The following PTGES variants were observed in gnomAD, a reference collection of about 807,000 sequenced individuals.
PTGES encodes the protein MGST1-like 1.
Under a neutral mutation model 11.8 loss-of-function variants are expected in PTGES, and 3 were observed. That is an observed-to-expected ratio of 0.25 (90% CI 0.12 to 0.66). The LOEUF is 0.66. Ranked by LOEUF, PTGES falls within the 30% of genes least tolerant of loss-of-function variation. The pLI, the probability that PTGES is intolerant of heterozygous loss-of-function variation, is 0.82. For synonymous variants in PTGES, 94 were observed against 90.4 expected (o/e 1.04, Z -0.22); for missense variants, 180 against 213.0 (o/e 0.85, Z 0.96).
At chr9:129,742,531 T>C (rs1833007411) in intron 2 of PTGES, among the ~76,000 whole-genome samples, 1 of 152,026 alleles carries the variant, frequency 6.6e-6, no homozygotes, top group Non-Finnish European at 1.5e-5. Context: ...AGTTTTGTAA[T>C]GTTTATTTGA....
intron 1 of PTGES, among the ~76,000 whole-genome samples, chr9:129,751,991 C>T (rs745984404): frequency 1.3e-5 from 2 of 152,204 alleles, no homozygotes; most frequent in African/African-American, 2.4e-5. Flanking sequence ...CTGTAGCCTC[C>T]GGGCATCCTA....
chr9:129,751,281 C>T (rs1431832682), intron 1 of PTGES, among the ~76,000 whole-genome samples: 2 of 149,074 alleles, frequency 1.3e-5, no homozygotes, highest in Non-Finnish European at 3.0e-5. Flanking sequence ...TATGATCGCA[C>T]AATTGCACTC....
chr9:129,746,659 C>T (rs888780109), intron 2 of PTGES, among the ~76,000 whole-genome samples: 41 of 152,164 alleles, frequency 2.7e-4, no homozygotes, highest in African/African-American at 9.4e-4. Context: ...CCATTTCCGC[C>T]TGTGATGCAG....
intron 2 of PTGES, among the ~76,000 whole-genome samples, chr9:129,740,939 C>T (rs12551591): frequency 5.9e-5 from 9 of 152,172 alleles, no homozygotes; most frequent in Non-Finnish European, 8.8e-5. Flanking sequence ...CCAATAACAC[C>T]GTCTCCTCGG....
chr9:129,752,782 C>A, intron 1 of PTGES, 105 bp downstream of exon 1: 2 of 1,568,378 alleles, frequency 1.3e-6, no homozygotes, highest in African/African-American at 1.3e-5. Flanking sequence ...CACCTCCCAG[C>A]CCTGCACACA....
intron 2 of PTGES, among the ~76,000 whole-genome samples, chr9:129,741,488 G>A (rs977129915): frequency 6.6e-6 from 1 of 152,160 alleles, no homozygotes; most frequent in Admixed American, 6.5e-5. Context: ...TCCTGACCTT[G>A]CAACCCAGAC....
intron 2 of PTGES, among the ~76,000 whole-genome samples, chr9:129,747,827 T>C (rs368470341): frequency 6.6e-6 from 1 of 151,858 alleles, no homozygotes; most frequent in African/African-American, 2.4e-5. Context: ...CTGGCCAACA[T>C]AGTGAAACCC....
Position 129,752,877 on chromosome 9 carries a change from A to G in PTGES, c.126+10T>C, listed in dbSNP as rs201867501. ...TGACCCAGGCCGGGGACCCCCAGGG[A>G]GGCACATACCTTCTTCCGCAGCCTC... On this transcript the variant is annotated intron_variant, in intron 1 of 2. Coordinates refer to ENST00000340607, the MANE Select transcript of PTGES (RefSeq NM_004878.5). The G allele has an allele frequency of 6.2e-7, 1 of 1,614,000 alleles. No homozygotes were observed. The highest frequency in any genetic ancestry group is 1.3e-5 in the African/African-American group (1 of 75,066).
chr9:129,750,638 C>A (rs1833093729), intron 1 of PTGES, among the ~76,000 whole-genome samples: 1 of 152,170 alleles, frequency 6.6e-6, no homozygotes, highest in African/African-American at 2.4e-5. Flanking sequence ...GGAGGCCAGC[C>A]TTTGGTTGAG....
Position 129,752,921 on chromosome 9 carries a change from G to A in PTGES, c.92C>T (p.Ala31Val), listed in dbSNP as rs1462106539. ...CAGCCTCACTTGGCCCGTGATGATG[G>A]CCACCACGTACATCTTGATGACCAG... ...TLLVIKMYVV[A>V]IITGQVRLRK... Residue 31 changes from alanine to valine, a missense_variant, in exon 1 of 3, where the codon GCC becomes GTC. Physicochemically the swap from Ala to Val is moderately conservative, Grantham distance 64 (BLOSUM62 0). Coordinates refer to ENST00000340607, the MANE Select transcript of PTGES (RefSeq NM_004878.5). 6.2e-7 allele frequency: 1 copy of A among 1,613,778 alleles called. No individual in the cohort carries two copies. Among genetic ancestry groups the A allele is most frequent in the Non-Finnish European group, 8.5e-7 (1 of 1,180,040 alleles).
In PTGES at chr9:129,739,926, T is replaced by G. The variant is rs1832979307; in HGVS notation, c.210-66A>C. 1.3e-5 allele frequency: 19 copies of G among 1,505,226 alleles called. No homozygotes were observed. In the Middle Eastern group the frequency reaches 7.0e-4, roughly 55 times the overall value. The allele number at this position is 1,505,226 out of a possible 1,614,324, so 93.2% of individuals were successfully genotyped here. On this transcript the variant is annotated intron_variant, in intron 2 of 2. Coordinates refer to ENST00000340607, the MANE Select transcript of PTGES (RefSeq NM_004878.5). This position sits in a 1 kb window ranked among gnomAD's most constrained non-coding sequence, Gnocchi z 5.7. ...TTGGGGCCATAGGCCCTTTTGAGAG[T>G]GTCATGGAAGCTGGGGGTGCTTTGA... is the stretch of plus-strand genomic sequence containing the variant.
chr9:129,747,308 G>A (rs1833057394), intron 2 of PTGES, among the ~76,000 whole-genome samples: 1 of 152,158 alleles, frequency 6.6e-6, no homozygotes, highest in South Asian at 2.1e-4. Flanking sequence ...TAATTTTATG[G>A]AAAATATTTA....
chr9:129,752,312 A>C (rs1251918334), intron 1 of PTGES, among the ~76,000 whole-genome samples: 1 of 152,148 alleles, frequency 6.6e-6, no homozygotes, highest in Non-Finnish European at 1.5e-5. Flanking sequence ...ACGCTACTGG[A>C]ACTTGCCCCG....
chr9:129,745,755 C>T lies in PTGES; in HGVS notation c.209+2900G>A, dbSNP rs1379621240. Reference sequence around the variant, plus strand: ...AGATGAGGGGTTATTTTGGGCTGGGCGCAATGGCTCACGCCTGTAATCCCA... The same window carrying T: ...AGATGAGGGGTTATTTTGGGCTGGGTGCAATGGCTCACGCCTGTAATCCCA... On this transcript the variant is annotated intron_variant, in intron 2 of 2. Coordinates refer to ENST00000340607, the MANE Select transcript of PTGES (RefSeq NM_004878.5). This position sits in a 1 kb window ranked among gnomAD's most constrained non-coding sequence, Gnocchi z 4.2. 1.3e-5 allele frequency among the ~76,000 whole-genome samples: 2 copies of T among 152,112 alleles called. No homozygotes were observed. Among genetic ancestry groups the T allele is most frequent in the South Asian group, 2.1e-4 (1 of 4,822 alleles).
Position 129,739,426 on chromosome 9 carries a change from A to T in PTGES, c.*185T>A. 1.3e-6 allele frequency: 1 copy of T among 753,338 alleles called. No individual in the cohort carries two copies. The highest frequency in any genetic ancestry group is 2.0e-5 in the African/African-American group (1 of 48,950). 46.7% of individuals were successfully genotyped at this position (753,338 alleles called of 1,614,324 possible). A position where few individuals can be genotyped will look rare whatever the true frequency, so the allele number is the denominator to read the frequency against. ...ATCCAAGGGGCTAAGAAACATACAC[A>T]CACACATACACACACACGGGCACAC... On this transcript the variant is annotated 3_prime_UTR_variant, in exon 3 of 3. Transcript: ENST00000340607. The surrounding 1 kb of genome is among the most constrained non-coding windows in gnomAD (Gnocchi z 5.7).
intron 2 of PTGES, among the ~76,000 whole-genome samples, chr9:129,742,744 C>T (rs534252566): frequency 4.3e-4 from 65 of 151,612 alleles, no homozygotes; most frequent in African/African-American, 1.3e-3. Flanking sequence ...TGGTGGCAGG[C>T]GCCTGTAGTC....
intron 2 of PTGES, among the ~76,000 whole-genome samples, chr9:129,741,680 C>A (rs192996210): frequency 2.0e-5 from 3 of 151,866 alleles, no homozygotes; most frequent in Admixed American, 6.6e-5. Context: ...CCAAGGCGGG[C>A]GGATTACCTG....
Position 129,752,950 on chromosome 9 carries a change from C to G in PTGES, c.63G>C (p.Thr21=), listed in dbSNP as rs201240330. The change falls in exon 1 of 3, where the codon ACG becomes ACC. Residue 21 remains threonine (T), a synonymous_variant. Transcript: ENST00000340607. ...PALPAFLLCS[T]LLVIKMYVVA... ...CCACGTACATCTTGATGACCAGCAG[C>G]GTGCTGCAGAGCAGGAAGGCCGGGA... 67 of 1,612,908 alleles carry G rather than the reference C, an allele frequency of 4.2e-5. No individual in the cohort carries two copies. The highest frequency in any genetic ancestry group is 5.5e-5 in the Non-Finnish European group (65 of 1,180,048).
At chr9:129,746,075 C>T (rs925619455) in intron 2 of PTGES, among the ~76,000 whole-genome samples, 5 of 151,604 alleles carry the variant, frequency 3.3e-5, no homozygotes, top group Admixed American at 1.3e-4. Flanking sequence ...AATGTCTCGG[C>T]GCCACCCGGG....
Sources: allele counts gnomAD v4.1 joint callset (sites outside exome capture counted in the v4.1 genomes callset), GRCh38; gene constraint gnomAD v4.1.1; non-coding constraint Gnocchi (gnomAD v3.1); transcripts MANE v1.5; gene names NCBI Gene and HGNC (gene_info 2026-07-23, HGNC 2026-07-21).